Variants in SNX27 observed in about 807,000 individuals in gnomAD.
SNX27 encodes sorting nexin 27, also known as sorting nexin-27.
A neutral mutation model predicts 71.6 loss-of-function variants in SNX27; 22 were observed. That is an observed-to-expected ratio of 0.31 (90% CI 0.22 to 0.44). SNX27 has a LOEUF of 0.44. SNX27 is among the 20% of genes least tolerant of loss of function. The pLI is 1.00. For missense variants in SNX27, 531 were observed against 698.6 expected (o/e 0.76, Z 2.70); for synonymous variants, 269 against 277.2 (o/e 0.97, Z 0.29).
At chr1:151,623,452 G>C (rs1667771761) in intron 1 of SNX27, among the ~76,000 whole-genome samples, 1 of 151,416 alleles carries the variant, frequency 6.6e-6, no homozygotes, top group Admixed American at 6.6e-5. Flanking sequence ...TTTTAATAGA[G>C]ACGGGGTTTC....
At chr1:151,616,267 T>A (rs1266687344) in intron 1 of SNX27, among the ~76,000 whole-genome samples, 1 of 152,216 alleles carries the variant, frequency 6.6e-6, no homozygotes. Flanking sequence ...AAGGTTAAAG[T>A]AGTTCCAAGG....
intron 8 of SNX27, among the ~76,000 whole-genome samples, chr1:151,685,851 CG>C (rs749085704): frequency 3.9e-5 from 6 of 152,178 alleles, no homozygotes; most frequent in Non-Finnish European, 8.8e-5. Flanking sequence ...CAATGTTCTA[CG>C]TATCAGCAGG....
Position 151,695,698 on chromosome 1 carries a change from T to A in SNX27, c.*1281T>A, listed in dbSNP as rs1049715730. The A allele has an allele frequency of 1.3e-5, 2 of 152,410 alleles. No homozygotes were observed. Among genetic ancestry groups the A allele is most frequent in the African/African-American group, 4.8e-5 (2 of 41,434 alleles). 9.4% of individuals were successfully genotyped at this position (152,410 alleles called of 1,614,324 possible). On this transcript the variant is annotated 3_prime_UTR_variant, in exon 12 of 12. Transcript: ENST00000458013. Reference sequence around the variant, plus strand: ...TCTCAGCCTCCCAAAGTGCTGGGATTACAGGCATGAGCCACTGTGTCCTTC... The same window carrying A: ...TCTCAGCCTCCCAAAGTGCTGGGATAACAGGCATGAGCCACTGTGTCCTTC...
chr1:151,681,977 C>T (rs961200338), intron 7 of SNX27, among the ~76,000 whole-genome samples: 2 of 152,296 alleles, frequency 1.3e-5, no homozygotes, highest in East Asian at 1.9e-4. Flanking sequence ...TAAGGCTTCC[C>T]TGATAACTGT....
chr1:151,651,461 C>G (rs936749142), intron 2 of SNX27, among the ~76,000 whole-genome samples: 7 of 151,788 alleles, frequency 4.6e-5, no homozygotes, highest in Admixed American at 3.9e-4. Flanking sequence ...GGCTGCCGGG[C>G]AGAGGGGCTC....
chr1:151,681,192 C>G lies in SNX27; in HGVS notation c.1150-2164C>G, dbSNP rs528853998. Among the ~76,000 whole-genome samples the G allele has an allele frequency of 4.8e-5, 7 of 146,802 alleles. No homozygotes were observed. In the South Asian group the frequency reaches 1.5e-3, roughly 32 times the overall value. On this transcript the variant is annotated intron_variant, in intron 7 of 11. Coordinates refer to ENST00000458013, the MANE Select transcript of SNX27 (RefSeq NM_001330723.2). Reference sequence around the variant, plus strand: ...GGTTTACATGACTTATGCAAGTACACATTGGTAGGTGACAGAACTAGAAGT... The same window carrying G: ...GGTTTACATGACTTATGCAAGTACAGATTGGTAGGTGACAGAACTAGAAGT...
intron 4 of SNX27, 111 bp downstream of exon 4, chr1:151,660,973 C>T: frequency 1.3e-6 from 1 of 790,180 alleles, no homozygotes. Context: ...CAAAGGACTC[C>T]ATTTTTTCTA....
chr1:151,698,172 C>G lies in SNX27; in HGVS notation c.*3755C>G, dbSNP rs532896597. 11 of 152,668 alleles carry G rather than the reference C, an allele frequency of 7.2e-5. No individual in the cohort carries two copies. Among genetic ancestry groups the G allele is most frequent in the African/African-American group, 2.4e-4 (10 of 41,532 alleles). The allele number at this position is 152,668 out of a possible 1,614,324, so 9.5% of individuals were successfully genotyped here. A position where few individuals can be genotyped will look rare whatever the true frequency, so the allele number is the denominator to read the frequency against. On this transcript the variant is annotated 3_prime_UTR_variant, in exon 12 of 12. Coordinates refer to ENST00000458013, the MANE Select transcript of SNX27 (RefSeq NM_001330723.2). ...CATGCCTGGCCCATTTAGTTTCATC[C>G]TTTAGTTACCCAGGCCAGTAGCTTT...
intron 1 of SNX27, among the ~76,000 whole-genome samples, chr1:151,631,051 C>T (rs1462898578): frequency 6.6e-6 from 1 of 152,132 alleles, no homozygotes; most frequent in East Asian, 1.9e-4. Context: ...AATATTCTTC[C>T]ACTTGTTTGC....
intron 11 of SNX27, chr1:151,693,808 A>G: frequency 1.4e-6 from 2 of 1,446,948 alleles, no homozygotes; most frequent in Non-Finnish European, 1.8e-6. Flanking sequence ...TTCCTGACCC[A>G]CAGGGGAAGC....
intron 1 of SNX27, among the ~76,000 whole-genome samples, chr1:151,633,835 T>C (rs1291600833): frequency 6.6e-6 from 1 of 152,228 alleles, no homozygotes; most frequent in African/African-American, 2.4e-5. Context: ...GCTGTGATAC[T>C]CCACTTTATG....
At chr1:151,644,050 C>CAA (rs1015456272) in intron 2 of SNX27, among the ~76,000 whole-genome samples, 11 of 148,096 alleles carry the variant, frequency 7.4e-5, no homozygotes, top group African/African-American at 2.7e-4. Flanking sequence ...GACTTCGTCT[C>CAA]AAAAAAAAAA....
chr1:151,667,706 A>G (rs1363067841), intron 6 of SNX27, among the ~76,000 whole-genome samples: 1 of 150,920 alleles, frequency 6.6e-6, no homozygotes, highest in Admixed American at 6.6e-5. Flanking sequence ...GGGCGCCTGT[A>G]GTCCCAGCTA....
At chr1:151,628,006 GTTTT>G (rs34932455) in intron 1 of SNX27, among the ~76,000 whole-genome samples, 1 of 122,812 alleles carries the variant, frequency 8.1e-6, no homozygotes. Flanking sequence ...TTTCATGACT[GTTTT>G]TTTTTTTTTT....
At chr1:151,680,650 TA>T (rs1670903536) in intron 7 of SNX27, among the ~76,000 whole-genome samples, 1 of 152,192 alleles carries the variant, frequency 6.6e-6, no homozygotes, top group Non-Finnish European at 1.5e-5. Context: ...AGAAAGACAG[TA>T]TTCTTATATT....
chr1:151,651,461 C>T (rs936749142), intron 2 of SNX27, among the ~76,000 whole-genome samples: 2 of 151,788 alleles, frequency 1.3e-5, no homozygotes, highest in African/African-American at 4.8e-5. Flanking sequence ...GGCTGCCGGG[C>T]AGAGGGGCTC....
In SNX27 at chr1:151,684,934, G is replaced by A. The variant is rs543633227; in HGVS notation, c.1239+1489G>A. Among the ~76,000 whole-genome samples the A allele has an allele frequency of 3.3e-4, 50 of 151,968 alleles. 2 individuals carry two copies. In the South Asian group the frequency reaches 9.8e-3, roughly 30 times the overall value. On this transcript the variant is annotated intron_variant, in intron 8 of 11. Coordinates refer to ENST00000458013, the MANE Select transcript of SNX27 (RefSeq NM_001330723.2). ...AGCGATTCTCCTGCCTCAGCCTCTCGAGTAGCTGGGACTATAGGCACCCAA... is the reference window on the plus strand; with the variant it reads ...AGCGATTCTCCTGCCTCAGCCTCTCAAGTAGCTGGGACTATAGGCACCCAA...
At chr1:151,628,059 T>C (rs1312345493) in intron 1 of SNX27, among the ~76,000 whole-genome samples, 7 of 148,518 alleles carry the variant, frequency 4.7e-5, no homozygotes, top group Non-Finnish European at 7.4e-5. Flanking sequence ...CAGGCTGGAG[T>C]GCAGTGGTGC....
intron 7 of SNX27, among the ~76,000 whole-genome samples, chr1:151,674,283 C>T (rs896501815): frequency 6.6e-6 from 1 of 152,156 alleles, no homozygotes; most frequent in Non-Finnish European, 1.5e-5. Context: ...AACCTGGTAA[C>T]AGCACTGTTT....
Sources: allele counts gnomAD v4.1 joint callset (sites outside exome capture counted in the v4.1 genomes callset), GRCh38; gene constraint gnomAD v4.1.1; transcripts MANE v1.5; gene names NCBI Gene and HGNC (gene_info 2026-07-23, HGNC 2026-07-21).